Variants in ALMS1 observed in about 807,000 individuals in gnomAD.
The protein encoded by ALMS1 is ALMS1 centrosome and basal body associated protein.
Under a neutral mutation model 352.2 loss-of-function variants are expected in ALMS1, and 271 were observed. The ratio of observed to expected loss-of-function variants is 0.77; its 90% confidence interval spans 0.70 to 0.85. ALMS1 has a LOEUF of 0.85. ALMS1 is among the 40% of genes least tolerant of loss of function. The pLI is 0.00. For missense variants in ALMS1, 5,445 were observed against 4,870.7 expected, an observed-to-expected ratio of 1.12 and a Z score of -3.51; for synonymous variants, 1,865 against 1,761.2, an observed-to-expected ratio of 1.06 and a Z score of -1.48.
At chr2:73,404,976 A>G (rs1377869247) in intron 1 of ALMS1, among the ~76,000 whole-genome samples, 1 of 131,038 alleles carries the variant, frequency 7.6e-6, no homozygotes, top group African/African-American at 3.1e-5. Context: ...CAGTGGTGCA[A>G]TCTCAGCTCA....
chr2:73,522,467 C>CTT (rs137919148), intron 11 of ALMS1, among the ~76,000 whole-genome samples: 79 of 106,716 alleles, frequency 7.4e-4, no homozygotes, highest in East Asian at 2.1e-3. Context: ...GGTTGAGGTC[C>CTT]TTTTTTTTTT....
intron 9 of ALMS1, among the ~76,000 whole-genome samples, chr2:73,475,143 G>A (rs1001364315): frequency 2.4e-4 from 36 of 152,026 alleles, no homozygotes; most frequent in African/African-American, 8.2e-4. Context: ...CTCATTAGTT[G>A]GTAGACATTT....
intron 7 of ALMS1, among the ~76,000 whole-genome samples, chr2:73,442,022 A>G (rs559123059): frequency 3.9e-5 from 6 of 152,310 alleles, no homozygotes; most frequent in Middle Eastern, 3.4e-3. Flanking sequence ...AAACTTTCCT[A>G]ACTTTTCTAA....
chr2:73,562,931 A>AG (rs1558695831), intron 15 of ALMS1, among the ~76,000 whole-genome samples: 1 of 151,804 alleles, frequency 6.6e-6, no homozygotes, highest in African/African-American at 2.4e-5. Flanking sequence ...AAGAGTTAAA[A>AG]TTAAACTATA....
At chr2:73,391,291 A>ATTTTTTTT (rs1670639813) in intron 1 of ALMS1, among the ~76,000 whole-genome samples, 2 of 96,786 alleles carry the variant, frequency 2.1e-5, no homozygotes, top group South Asian at 2.5e-4. Flanking sequence ...TATACGTTTT[A>ATTTTTTTT]TTCTTTTTTT....
Position 73,432,136 on chromosome 2 carries a change from A to G in ALMS1, c.1339-62A>G, listed in dbSNP as rs1671512022. 10 of 1,253,114 alleles carry G rather than the reference A, an allele frequency of 8.0e-6. No homozygotes were observed. In the South Asian group the frequency reaches 1.1e-4, roughly 14 times the overall value. 77.6% of individuals were successfully genotyped at this position (1,253,114 alleles called of 1,614,324 possible). ...TTCTTCATTTCTTCGTAGGTGGGTC[A>G]TTCTAATCTGGGCATTAATGAGTCT... On this transcript the variant is annotated intron_variant, in intron 6 of 22. Coordinates refer to ENST00000613296, the MANE Select transcript of ALMS1 (RefSeq NM_001378454.1).
rs547119505 is a variant in ALMS1 at position 73,432,620 on chromosome 2, AG to A, written c.1432+334del. On this transcript the variant is annotated intron_variant, in intron 7 of 22. Coordinates refer to ENST00000613296, the MANE Select transcript of ALMS1 (RefSeq NM_001378454.1). Reference sequence around the variant, plus strand: ...TGTGCCCTCCCATGGTGGAAGGGGCAGGGGGTCTCTCTGGAGTCGTTTTTTG... The same window carrying A: ...TGTGCCCTCCCATGGTGGAAGGGGCAGGGGTCTCTCTGGAGTCGTTTTTTG... 2.0e-3 allele frequency among the ~76,000 whole-genome samples: 308 copies of A among 151,974 alleles called. 3 individuals are homozygous for A. Among genetic ancestry groups the A allele is most frequent in the Middle Eastern group, 0.01 (3 of 294 alleles).
At chr2:73,460,365 T>C (rs1672163460) in intron 9 of ALMS1, among the ~76,000 whole-genome samples, 1 of 152,186 alleles carries the variant, frequency 6.6e-6, no homozygotes, top group Non-Finnish European at 1.5e-5. Flanking sequence ...TATCTAGAAT[T>C]GCATGTCAGT....
chr2:73,498,210 T>C (rs192019130), intron 10 of ALMS1, among the ~76,000 whole-genome samples: 25 of 152,252 alleles, frequency 1.6e-4, no homozygotes, highest in Admixed American at 8.5e-4. Context: ...TGGTGGCTGC[T>C]AACTGCTCTG....
rs748293128 is a variant in ALMS1, at chr2:73,408,727, C to T, written c.430C>T (p.Arg144Trp). The T allele has an allele frequency of 1.4e-5, 23 of 1,611,278 alleles. No individual in the cohort carries two copies. In the Admixed American group the frequency reaches 3.2e-4, roughly 22 times the overall value. The change falls in exon 2 of 23, where the codon CGG becomes TGG. Residue 144 changes from arginine (R) to tryptophan (W), a missense_variant. Physicochemically the swap from Arg to Trp is moderately radical, Grantham distance 101 (BLOSUM62 -3). Coordinates refer to ENST00000613296, the MANE Select transcript of ALMS1 (RefSeq NM_001378454.1). ...NVVCLETTAQ[R>W]GSGDDQKTES... ...GGTCTGTTTGGAAACAACAGCTCAGCGGGGTTCTGGGGATGATCAGGTATG... is the reference window on the plus strand; with the variant it reads ...GGTCTGTTTGGAAACAACAGCTCAGTGGGGTTCTGGGGATGATCAGGTATG...
intron 7 of ALMS1, among the ~76,000 whole-genome samples, chr2:73,433,793 C>A (rs759658612): frequency 2.2e-4 from 33 of 152,234 alleles, no homozygotes; most frequent in Non-Finnish European, 2.9e-4. Context: ...TCTTTCCTTG[C>A]CATAAGTCTA....
chr2:73,399,300 A>G (rs1489819205), intron 1 of ALMS1, among the ~76,000 whole-genome samples: 2 of 152,008 alleles, frequency 1.3e-5, no homozygotes, highest in Non-Finnish European at 2.9e-5. Context: ...GAGAGGGTGT[A>G]TTATGTCGTC....
At position 73,490,335 on chromosome 2, in the gene ALMS1, A is replaced by G. The variant is rs878942028; in HGVS notation, c.8376A>G (p.Arg2792=). ...DKEVTILAEG[R]RQSQKLPVDF... ...AAGTGACTATTTTAGCAGAAGGTAG[A>G]AGGCAAAGCCAAAAATTACCTGTTG... Residue 2792 remains arginine, a synonymous_variant, in exon 10 of 23, where the codon AGA becomes AGG. Coordinates refer to ENST00000613296, the MANE Select transcript of ALMS1 (RefSeq NM_001378454.1). 3 of 1,612,342 alleles carry G rather than the reference A, an allele frequency of 1.9e-6. No individual in the cohort carries two copies. The highest frequency in any genetic ancestry group is 3.3e-5 in the Admixed American group (2 of 59,768).
intron 9 of ALMS1, among the ~76,000 whole-genome samples, chr2:73,474,141 T>G (rs1672529032): frequency 7.7e-6 from 1 of 130,126 alleles, no homozygotes; most frequent in Non-Finnish European, 1.8e-5. Flanking sequence ...CTTTAACAGA[T>G]TTTTTTTTTA....
chr2:73,490,503 C>T lies in ALMS1; in HGVS notation c.8544C>T (p.Gly2848=). Residue 2848 remains glycine, a synonymous_variant, in exon 10 of 23, where the codon GGC becomes GGT. Transcript: ENST00000613296. ...ISDNHTLISM[G]RPSSTLGVNR... is the part of the protein sequence containing the mutation. The stretch of plus-strand genomic sequence containing the variant: ...ATAACCATACCCTTATTAGCATGGG[C>T]AGACCAAGTTCCACCCTAGGAGTAA... 1 of 1,614,154 alleles carries T rather than the reference C, an allele frequency of 6.2e-7. No homozygotes were observed. Among genetic ancestry groups the T allele is most frequent in the Non-Finnish European group, 8.5e-7 (1 of 1,180,016 alleles).
Position 73,494,793 on chromosome 2 carries a change from C to G in ALMS1, c.9539+3295C>G, listed in dbSNP as rs369995309. ...AAGTGGTATCTGCTAGGATTCTCCA[C>G]TGTAAGGTTATTGTTTTTCCTTTGG... On this transcript the variant is annotated intron_variant, in intron 10 of 22. Coordinates refer to ENST00000613296, the MANE Select transcript of ALMS1 (RefSeq NM_001378454.1). Among the ~76,000 whole-genome samples, 43 of 152,310 alleles carry G rather than the reference C, an allele frequency of 2.8e-4. 1 individual carries two copies. In the East Asian group the frequency reaches 4.8e-3, roughly 17 times the overall value.
Position 73,490,617 on chromosome 2 carries a change from G to A in ALMS1, c.8658G>A (p.Glu2886=), listed in dbSNP as rs555256551. The A allele has an allele frequency of 3.1e-6, 5 of 1,613,970 alleles. No individual in the cohort carries two copies. ...CTTGCATTTTTCTTGAACAACGAGAGCTCTTTGAACAAAGCAAAGCCCCAC... is the reference window on the plus strand; with the variant it reads ...CTTGCATTTTTCTTGAACAACGAGAACTCTTTGAACAAAGCAAAGCCCCAC... The part of the protein sequence containing the change: ...LPSCIFLEQR[E]LFEQSKAPRA... Residue 2886 remains glutamate (E), a synonymous_variant, in exon 10 of 23, where the codon GAG becomes GAA. Coordinates refer to ENST00000613296, the MANE Select transcript of ALMS1 (RefSeq NM_001378454.1).
In ALMS1 at chr2:73,525,812, G is replaced by C. The variant is rs1046915000; in HGVS notation, c.9781+5796G>C. The stretch of plus-strand genomic sequence containing the variant: ...ACATTTGTCCATTTTTGCTTTGGTT[G>C]CCTGTATATGTGGGATATTACTCAA... On this transcript the variant is annotated intron_variant, in intron 11 of 22. Transcript: ENST00000613296. Among the ~76,000 whole-genome samples, 13 of 152,092 alleles carry C rather than the reference G, an allele frequency of 8.5e-5. No individual in the cohort carries two copies. The East Asian group carries it at 2.5e-3, about 29-fold the overall frequency.
At chr2:73,492,437 G>A (rs1673010768) in intron 10 of ALMS1, among the ~76,000 whole-genome samples, 1 of 152,170 alleles carries the variant, frequency 6.6e-6, no homozygotes. Flanking sequence ...GCCAAAAGAT[G>A]TTGTTTGTGG....
Sources: allele counts gnomAD v4.1 joint callset (sites outside exome capture counted in the v4.1 genomes callset), GRCh38; gene constraint gnomAD v4.1.1; transcripts MANE v1.5; gene names NCBI Gene and HGNC (gene_info 2026-07-23, HGNC 2026-07-21).